The following OPCML variants were observed in gnomAD, a reference collection of about 807,000 sequenced individuals.
OPCML encodes opioid-binding protein/cell adhesion molecule.
In OPCML, 13 loss-of-function variants were observed where a neutral mutation model predicts 37.8. The ratio of observed to expected loss-of-function variants is 0.34; its 90% CI spans 0.22 to 0.55. The LOEUF (loss-of-function observed/expected upper bound fraction) is 0.55, where lower values mean the gene tolerates loss of function less well. OPCML is among the 20% of genes least tolerant of loss of function. The pLI is 0.91. For missense variants in OPCML, 341 were observed against 435.6 expected (o/e 0.78, Z 1.93); for synonymous variants, 176 against 168.8 (o/e 1.04, Z -0.33).
intron 1 of OPCML, among the ~76,000 whole-genome samples, chr11:133,398,911 C>G (rs937090643): frequency 6.6e-6 from 1 of 152,056 alleles, no homozygotes; most frequent in Non-Finnish European, 1.5e-5. Context: ...TCTAAAAATC[C>G]CAAAGAACAT....
intron 1 of OPCML, among the ~76,000 whole-genome samples, chr11:132,976,294 G>C (rs934553288): frequency 7.2e-5 from 11 of 152,128 alleles, no homozygotes; most frequent in African/African-American, 2.4e-4. Context: ...CGAATGAGGT[G>C]GGGGGAGGGG....
At chr11:132,505,150 T>C (rs1458160725) in intron 4 of OPCML, among the ~76,000 whole-genome samples, 1 of 151,982 alleles carries the variant, frequency 6.6e-6, no homozygotes, top group Non-Finnish European at 1.5e-5. Context: ...AAAACAGGAC[T>C]CAAAATTTAC....
intron 2 of OPCML, among the ~76,000 whole-genome samples, chr11:132,676,900 G>A (rs188460798): frequency 4.6e-5 from 7 of 150,770 alleles, no homozygotes; most frequent in African/African-American, 1.5e-4. Context: ...CCTGGCTAAT[G>A]CATTAAGACA....
intron 1 of OPCML, among the ~76,000 whole-genome samples, chr11:133,219,238 C>T (rs1170903359): frequency 6.6e-6 from 1 of 152,172 alleles, no homozygotes; most frequent in East Asian, 1.9e-4. Flanking sequence ...TAGGACTTGG[C>T]TGATAGCCAG....
At chr11:132,573,726 T>C (rs2096443594) in intron 3 of OPCML, among the ~76,000 whole-genome samples, 1 of 152,046 alleles carries the variant, frequency 6.6e-6, no homozygotes, top group South Asian at 2.1e-4. Flanking sequence ...TGCTTTAGTA[T>C]CAGGGTAATG....
At chr11:132,799,858 A>C (rs551400229) in intron 2 of OPCML, among the ~76,000 whole-genome samples, 1 of 152,286 alleles carries the variant, frequency 6.6e-6, no homozygotes, top group African/African-American at 2.4e-5. Flanking sequence ...AAAATTGGAT[A>C]GTGTGATTCC....
intron 3 of OPCML, among the ~76,000 whole-genome samples, chr11:132,584,652 A>G (rs1180152834): frequency 6.6e-6 from 1 of 152,224 alleles, no homozygotes; most frequent in Non-Finnish European, 1.5e-5. Context: ...CTCCCTGATA[A>G]GAGTGAAGAT....
intron 1 of OPCML, among the ~76,000 whole-genome samples, chr11:133,403,858 A>G (rs1945463367): frequency 6.6e-6 from 1 of 152,194 alleles, no homozygotes; most frequent in African/African-American, 2.4e-5. Flanking sequence ...CAATTCAACA[A>G]GTGTATGTTG....
rs559713469 is a variant in OPCML, at chr11:132,764,002, A to G, written c.147-106683T>C. Among the ~76,000 whole-genome samples, 20 of 152,352 alleles carry G rather than the reference A, an allele frequency of 1.3e-4. No homozygotes were observed. In the South Asian group the frequency reaches 3.9e-3, roughly 30 times the overall value. On this transcript the variant is annotated intron_variant, in intron 2 of 7. Coordinates refer to ENST00000524381, the MANE Select transcript of OPCML (RefSeq NM_001012393.5). ...CCTGACGACTACCAGGGCTCCCTCT[A>G]GGCCTCAAAGGCATTATGCCAGTCA...
At chr11:132,553,139 G>C (rs954627989) in intron 3 of OPCML, among the ~76,000 whole-genome samples, 2 of 152,058 alleles carry the variant, frequency 1.3e-5, no homozygotes, top group Non-Finnish European at 2.9e-5. Context: ...TTCAACTTAC[G>C]GTCTTTACCC....
At chr11:132,675,155 A>ATG (rs35219821) in intron 2 of OPCML, among the ~76,000 whole-genome samples, 16,865 of 143,706 alleles carry the variant, frequency 0.12, 1,084 homozygotes, top group African/African-American at 0.14. Flanking sequence ...ATATATATGT[A>ATG]TGTGTGTGTG....
intron 2 of OPCML, among the ~76,000 whole-genome samples, chr11:132,824,743 C>A (rs985926035): frequency 7.9e-5 from 12 of 152,168 alleles, no homozygotes; most frequent in African/African-American, 2.7e-4. Context: ...CTTCCCGTGG[C>A]TGTAAACTTC....
chr11:133,227,872 A>G (rs1940105930), intron 1 of OPCML, among the ~76,000 whole-genome samples: 2 of 152,154 alleles, frequency 1.3e-5, no homozygotes, highest in African/African-American at 4.8e-5. Flanking sequence ...CTGCGGTGCA[A>G]ACGCTGGGCC....
chr11:132,683,078 ATTTACTT>A (rs976244720), intron 2 of OPCML, among the ~76,000 whole-genome samples: 16 of 152,296 alleles, frequency 1.1e-4, no homozygotes, highest in African/African-American at 3.8e-4. Flanking sequence ...AGGAATTTTT[ATTTACTT>A]TATGCTCTAA....
intron 2 of OPCML, among the ~76,000 whole-genome samples, chr11:132,729,974 C>CGGATTTT (rs796312754): frequency 1.2e-4 from 17 of 144,944 alleles, no homozygotes; most frequent in African/African-American, 4.3e-4. Flanking sequence ...GAAAAGGGTT[C>CGGATTTT]GGATTTTGTT....
intron 1 of OPCML, among the ~76,000 whole-genome samples, chr11:133,082,702 G>T (rs1224006620): frequency 7.5e-6 from 1 of 132,500 alleles, no homozygotes; most frequent in Non-Finnish European, 1.6e-5. Context: ...GCCGGGCGAG[G>T]GGCTCAAGGC....
At chr11:132,622,200 G>A (rs1018818989) in intron 3 of OPCML, among the ~76,000 whole-genome samples, 16 of 152,034 alleles carry the variant, frequency 1.1e-4, no homozygotes, top group African/African-American at 2.4e-4. Flanking sequence ...GCTTTAGTCC[G>A]GCAGTAAAGA....
At chr11:132,975,137 T>C (rs1946429560) in intron 1 of OPCML, among the ~76,000 whole-genome samples, 1 of 151,848 alleles carries the variant, frequency 6.6e-6, no homozygotes, top group South Asian at 2.1e-4. Flanking sequence ...GTGAACAATA[T>C]AGACCAAGTC....
intron 1 of OPCML, among the ~76,000 whole-genome samples, chr11:133,107,934 A>G (rs1459443151): frequency 6.6e-6 from 1 of 152,188 alleles, no homozygotes; most frequent in African/African-American, 2.4e-5. Flanking sequence ...TCTAGCTGAG[A>G]CCACAGATGG....
Sources: gnomAD v4.1 joint callset for allele counts (sites outside exome capture counted in the v4.1 genomes callset) on GRCh38, gnomAD v4.1.1 for gene constraint, MANE v1.5 for transcripts, NCBI Gene and HGNC (gene_info 2026-07-23, HGNC 2026-07-21) for gene names.